The following THSD7A variants were observed in gnomAD, a reference collection of about 807,000 sequenced individuals.
THSD7A encodes the protein thrombospondin type-1 domain-containing protein 7A.
THSD7A carries 96 observed loss-of-function variants against 231.3 expected under a neutral mutation model. The ratio of observed to expected loss-of-function variants is 0.41; its 90% CI spans 0.35 to 0.49. The LOEUF (loss-of-function observed/expected upper bound fraction) is 0.49, where lower values mean the gene tolerates loss of function less well. THSD7A is among the 20% of genes least tolerant of loss of function. The probability of loss-of-function intolerance (pLI) is 0.05; values close to 1 mark genes in which losing one functional copy is unlikely to be tolerated. For missense variants in THSD7A, 2,290 were observed against 2,070.2 expected, an observed-to-expected ratio of 1.11 and a Z score of -2.06; for synonymous variants, 940 against 743.3, an observed-to-expected ratio of 1.26 and a Z score of -4.30.
chr7:11,641,803 T>C (rs1782092170), intron 1 of THSD7A, among the ~76,000 whole-genome samples: 1 of 152,162 alleles, frequency 6.6e-6, no homozygotes, highest in African/African-American at 2.4e-5. Context: ...ATCGTCCACC[T>C]TGTAGGCTTT....
Position 11,637,383 on chromosome 7 carries a change from C to G in THSD7A, c.191-422G>C, listed in dbSNP as rs1450033473. Among the ~76,000 whole-genome samples, 1 of 152,186 alleles carries G rather than the reference C, an allele frequency of 6.6e-6. No homozygotes were observed. Among genetic ancestry groups the G allele is most frequent in the Non-Finnish European group, 1.5e-5 (1 of 68,038 alleles). On this transcript the variant is annotated intron_variant, in intron 1 of 27. Coordinates refer to ENST00000423059, the MANE Select transcript of THSD7A (RefSeq NM_015204.3). This position sits in a 1 kb window ranked among gnomAD's most constrained non-coding sequence, Gnocchi z 4.2. Reference sequence around the variant, plus strand: ...CCGTGTGAAGAACTTCTCCTGCAGGCATTTCTCTTCCTGGACAGTTAACTA... The same window carrying G: ...CCGTGTGAAGAACTTCTCCTGCAGGGATTTCTCTTCCTGGACAGTTAACTA...
At chr7:11,412,558 G>T in intron 18 of THSD7A, 98 bp downstream of exon 18, 1 of 1,379,442 alleles carries the variant, frequency 7.2e-7, no homozygotes. Context: ...TATCCAAAAG[G>T]CACACAGGTA....
chr7:11,769,139 A>T (rs1339474127), intron 1 of THSD7A, among the ~76,000 whole-genome samples: 1,141 of 36,692 alleles, frequency 0.031, 91 homozygotes, highest in Non-Finnish European at 0.049. Context: ...ATATATATAT[A>T]TATATATATA....
chr7:11,730,086 T>C (rs1213420552), intron 1 of THSD7A, among the ~76,000 whole-genome samples: 1 of 151,720 alleles, frequency 6.6e-6, no homozygotes, highest in African/African-American at 2.4e-5. Flanking sequence ...GAATGGAGAA[T>C]GAGAAACTTT....
intron 4 of THSD7A, among the ~76,000 whole-genome samples, chr7:11,589,761 T>C (rs17164856): frequency 0.027 from 4,139 of 152,322 alleles, 175 homozygotes; most frequent in African/African-American, 0.088. Context: ...ACTTAAGATG[T>C]ACTAATTCAA....
In THSD7A at chr7:11,406,578, T is replaced by C. The variant is rs1489233131; in HGVS notation, c.4063-104A>G. The C allele has an allele frequency of 7.9e-7, 1 of 1,267,382 alleles. No homozygotes were observed. The highest frequency in any genetic ancestry group is 3.0e-5 in the Admixed American group (1 of 33,896). 78.5% of individuals were successfully genotyped at this position (1,267,382 alleles called of 1,614,324 possible). A position where few individuals can be genotyped will look rare whatever the true frequency, so the allele number is the denominator to read the frequency against. On this transcript the variant is annotated intron_variant, in intron 21 of 27. Transcript: ENST00000423059. This position sits in a 1 kb window ranked among gnomAD's most constrained non-coding sequence, Gnocchi z 4.7. Reference sequence around the variant, plus strand: ...CCACTGACTTTGATTTATGAACATTTAGAGAAGGATTTGAAACCCTAGGGA... The same window carrying C: ...CCACTGACTTTGATTTATGAACATTCAGAGAAGGATTTGAAACCCTAGGGA...
At chr7:11,747,618 T>C (rs1055506566) in intron 1 of THSD7A, among the ~76,000 whole-genome samples, 2 of 151,874 alleles carry the variant, frequency 1.3e-5, no homozygotes, top group African/African-American at 4.8e-5. Flanking sequence ...GAAAAGACAG[T>C]CTCTACCTGT....
chr7:11,795,569 T>C (rs190668575), intron 1 of THSD7A, among the ~76,000 whole-genome samples: 1 of 152,226 alleles, frequency 6.6e-6, no homozygotes, highest in East Asian at 1.9e-4. Flanking sequence ...GTCCCTAGTT[T>C]TATGTTTTAC....
chr7:11,381,276 T>C (rs370540060), intron 24 of THSD7A, among the ~76,000 whole-genome samples: 1 of 152,170 alleles, frequency 6.6e-6, no homozygotes, highest in Non-Finnish European at 1.5e-5. Flanking sequence ...TAGATGTCTT[T>C]TCTTTGTTCC....
intron 1 of THSD7A, among the ~76,000 whole-genome samples, chr7:11,777,861 A>G (rs2128173486): frequency 6.6e-6 from 1 of 152,140 alleles, no homozygotes; most frequent in East Asian, 1.9e-4. Flanking sequence ...TACAGAAAGA[A>G]AGCCCTGGCC....
chr7:11,399,984 A>T (rs1378125887), intron 23 of THSD7A, among the ~76,000 whole-genome samples: 1 of 152,148 alleles, frequency 6.6e-6, no homozygotes, highest in African/African-American at 2.4e-5. Context: ...TGCAGCCATA[A>T]AAAAGGATGA....
chr7:11,798,498 CAA>C (rs1006087794), intron 1 of THSD7A, among the ~76,000 whole-genome samples: 1 of 134,794 alleles, frequency 7.4e-6, no homozygotes. Context: ...AAAGAAAAAA[CAA>C]AAAAAAAAAG....
At chr7:11,482,313 G>T (rs761089847) in intron 6 of THSD7A, among the ~76,000 whole-genome samples, 14 of 152,118 alleles carry the variant, frequency 9.2e-5, no homozygotes, top group Non-Finnish European at 1.3e-4. Flanking sequence ...GTAATAAGGA[G>T]CATCAACAAA....
In THSD7A at chr7:11,493,402, C is replaced by A. The variant is rs535776642; in HGVS notation, c.1823-11420G>T. ...ATGAGTCTAGCTCACACGTTTCAAA[C>A]CTGATGGGAAGTTTCTAAAAATCCT... On this transcript the variant is annotated intron_variant, in intron 6 of 27. Transcript: ENST00000423059. Among the ~76,000 whole-genome samples the A allele has an allele frequency of 3.4e-3, 510 of 152,160 alleles. 1 individual carries two copies. The highest frequency in any genetic ancestry group is 5.4e-3 in the Non-Finnish European group (367 of 67,944).
intron 8 of THSD7A, among the ~76,000 whole-genome samples, chr7:11,472,789 G>A (rs1785990164): frequency 6.6e-6 from 1 of 152,114 alleles, no homozygotes; most frequent in South Asian, 2.1e-4. Flanking sequence ...CATTTGAAAG[G>A]TGATTAACCG....
intron 1 of THSD7A, among the ~76,000 whole-genome samples, chr7:11,825,385 C>T (rs746152766): frequency 1.1e-4 from 17 of 152,018 alleles, no homozygotes; most frequent in Non-Finnish European, 8.8e-5. Flanking sequence ...TCTCAAAGTC[C>T]GTGTTCTTTC....
At chr7:11,652,034 T>A (rs1344519782) in intron 1 of THSD7A, among the ~76,000 whole-genome samples, 2 of 152,110 alleles carry the variant, frequency 1.3e-5, no homozygotes, top group South Asian at 2.1e-4. Flanking sequence ...TAGAAGCATA[T>A]TTTATTCCTT....
intron 1 of THSD7A, among the ~76,000 whole-genome samples, chr7:11,802,906 C>G (rs949279606): frequency 6.6e-6 from 1 of 152,144 alleles, no homozygotes. Context: ...CATAACATTT[C>G]TTCCTTTAGA....
chr7:11,527,023 T>G (rs1788503794), intron 6 of THSD7A, among the ~76,000 whole-genome samples: 1 of 152,176 alleles, frequency 6.6e-6, no homozygotes, highest in Non-Finnish European at 1.5e-5. Flanking sequence ...AACCAATGAT[T>G]AAACCAGTTT....
Sources: allele counts gnomAD v4.1 joint callset (sites outside exome capture counted in the v4.1 genomes callset), GRCh38; gene constraint gnomAD v4.1.1; non-coding constraint Gnocchi (gnomAD v3.1); transcripts MANE v1.5; gene names NCBI Gene and HGNC (gene_info 2026-07-23, HGNC 2026-07-21).